Variants in CDH18 observed in about 807,000 individuals in gnomAD.
The protein encoded by CDH18 is cadherin 18, also known as cadherin-18.
Under a neutral mutation model 67.9 loss-of-function variants are expected in CDH18, and 31 were observed. The observed-to-expected ratio is 0.46, with a 90% confidence interval of 0.34 to 0.62. The LOEUF (loss-of-function observed/expected upper bound fraction) is 0.62, where lower values mean the gene tolerates loss of function less well. Ranked by LOEUF, CDH18 falls within the 20% of genes least tolerant of loss-of-function variation. The probability of loss-of-function intolerance (pLI) is 0.01; values close to 1 mark genes in which losing one functional copy is unlikely to be tolerated. For missense variants in CDH18, 890 were observed against 975.5 expected, an observed-to-expected ratio of 0.91 and a Z score of 1.17; for synonymous variants, 362 against 347.2, an observed-to-expected ratio of 1.04 and a Z score of -0.48.
In CDH18 at chr5:20,051,234, T is replaced by G. The variant is rs530632954; in HGVS notation, c.-517-59220A>C. Among the ~76,000 whole-genome samples the G allele has an allele frequency of 1.4e-4, 22 of 152,070 alleles. No homozygotes were observed. The South Asian group carries it at 4.6e-3, about 32-fold the overall frequency. On this transcript the variant is annotated intron_variant, in intron 2 of 14. Transcript: ENST00000507958. ...GGAAAGTTGTGTGATACATTAAAAATTCTAAATCTGAAATATCCACACATT... is the reference window on the plus strand; with the variant it reads ...GGAAAGTTGTGTGATACATTAAAAAGTCTAAATCTGAAATATCCACACATT...
chr5:20,000,358 T>C (rs1280765174), intron 2 of CDH18, among the ~76,000 whole-genome samples: 1 of 151,924 alleles, frequency 6.6e-6, no homozygotes, highest in Non-Finnish European at 1.5e-5. Flanking sequence ...AGTATAAGAA[T>C]AAAAAAGGGA....
At position 19,847,000 on chromosome 5, in the gene CDH18, A is replaced by G. The variant is rs182639115; in HGVS notation, c.-256-7758T>C. ...ATGATTTCTGCTTAGAAATCTGTTC[A>G]TAGTCTTGTGGAAGTTCTCTTTCAT... On this transcript the variant is annotated intron_variant, in intron 2 of 12. Transcript: ENST00000382275. Among the ~76,000 whole-genome samples the G allele has an allele frequency of 2.6e-4, 40 of 151,968 alleles. 1 individual carries two copies. The highest frequency in any genetic ancestry group is 2.4e-3 in the Admixed American group (37 of 15,252).
At chr5:20,267,880 T>C (rs759005668) in intron 1 of CDH18, among the ~76,000 whole-genome samples, 3 of 152,216 alleles carry the variant, frequency 2.0e-5, no homozygotes, top group Admixed American at 1.3e-4. Flanking sequence ...GAAGTTTGAA[T>C]ATGATTGGTT....
At chr5:20,400,043 A>G (rs1223270518) in intron 1 of CDH18, among the ~76,000 whole-genome samples, 1 of 152,204 alleles carries the variant, frequency 6.6e-6, no homozygotes, top group Non-Finnish European at 1.5e-5. Flanking sequence ...CAATGTATTT[A>G]TCATAGAAAA....
chr5:19,770,499 G>T (rs78771738), intron 3 of CDH18, among the ~76,000 whole-genome samples: 2,919 of 152,126 alleles, frequency 0.019, 86 homozygotes, highest in Admixed American at 0.065. Flanking sequence ...TTAATTTAAT[G>T]TGACAATATA....
intron 6 of CDH18, among the ~76,000 whole-genome samples, chr5:19,594,919 T>C (rs1745925967): frequency 6.6e-6 from 1 of 152,084 alleles, no homozygotes; most frequent in Admixed American, 6.6e-5. Context: ...TTCAAAATAG[T>C]ACTGGAAGAC....
At chr5:19,727,456 C>A (rs966777912) in intron 4 of CDH18, among the ~76,000 whole-genome samples, 1 of 152,122 alleles carries the variant, frequency 6.6e-6, no homozygotes, top group African/African-American at 2.4e-5. Flanking sequence ...GTCAGCGAAC[C>A]ACTAGATGCT....
intron 1 of CDH18, among the ~76,000 whole-genome samples, chr5:20,297,405 C>T (rs1173344724): frequency 6.6e-6 from 1 of 152,192 alleles, no homozygotes; most frequent in Non-Finnish European, 1.5e-5. Context: ...AGTCTGACAC[C>T]AAAGCATAAA....
chr5:19,960,586 T>TATATACACACACAC (rs1357426735), intron 2 of CDH18, among the ~76,000 whole-genome samples: 1 of 132,740 alleles, frequency 7.5e-6, no homozygotes, highest in African/African-American at 3.4e-5. Context: ...TGTGTGTGTG[T>TATATACACACACAC]GTGTATATAT....
intron 1 of CDH18, among the ~76,000 whole-genome samples, chr5:20,324,203 A>T (rs1332149818): frequency 1.3e-5 from 2 of 152,202 alleles, no homozygotes; most frequent in Non-Finnish European, 2.9e-5. Flanking sequence ...TATTTTTAGA[A>T]TACAGACTCT....
chr5:20,136,901 A>T (rs1220190926), intron 2 of CDH18, among the ~76,000 whole-genome samples: 1 of 152,206 alleles, frequency 6.6e-6, no homozygotes, highest in Non-Finnish European at 1.5e-5. Flanking sequence ...TTCTTTAAGA[A>T]TGTTGAATAT....
chr5:19,710,381 A>G (rs1431150685), intron 5 of CDH18, among the ~76,000 whole-genome samples: 1 of 152,174 alleles, frequency 6.6e-6, no homozygotes, highest in Non-Finnish European at 1.5e-5. Flanking sequence ...CCATTATGGA[A>G]GATACAAAAA....
chr5:20,460,369 T>C (rs961440088), intron 1 of CDH18, among the ~76,000 whole-genome samples: 2 of 151,088 alleles, frequency 1.3e-5, no homozygotes, highest in African/African-American at 4.9e-5. Flanking sequence ...TCCCGCCTGG[T>C]TGACAGAGCG....
chr5:20,083,529 A>T (rs940475981), intron 2 of CDH18, among the ~76,000 whole-genome samples: 167 of 152,274 alleles, frequency 1.1e-3, no homozygotes, highest in African/African-American at 3.7e-3. Flanking sequence ...GTGTATTCCA[A>T]CTGCTCCACA....
rs1393028473 is a variant in CDH18 at position 19,632,641 on chromosome 5, C to T, written c.644-20040G>A. On this transcript the variant is annotated intron_variant, in intron 5 of 12. Transcript: ENST00000382275. ...GTCACCCATTTATCTCTAAGGTATGCGCATAATTATGAATACCTTCCATGT... is the reference window on the plus strand; with the variant it reads ...GTCACCCATTTATCTCTAAGGTATGTGCATAATTATGAATACCTTCCATGT... Among the ~76,000 whole-genome samples the T allele has an allele frequency of 9.2e-5, 14 of 152,198 alleles. 1 individual carries two copies. Among genetic ancestry groups the T allele is most frequent in the Middle Eastern group, 3.4e-3 (1 of 294 alleles).
At chr5:19,801,373 C>A (rs1007318468) in intron 3 of CDH18, among the ~76,000 whole-genome samples, 3 of 152,148 alleles carry the variant, frequency 2.0e-5, no homozygotes, top group African/African-American at 7.2e-5. Context: ...AGGTCTGTGT[C>A]ACTTTATTCA....
chr5:19,893,618 C>A (rs1788996617), intron 2 of CDH18, among the ~76,000 whole-genome samples: 2 of 147,900 alleles, frequency 1.4e-5, no homozygotes, highest in Admixed American at 6.9e-5. Flanking sequence ...TATTTAGCCT[C>A]ACATTACAAC....
At chr5:20,539,042 C>G (rs1485333012) in intron 1 of CDH18, among the ~76,000 whole-genome samples, 1 of 151,718 alleles carries the variant, frequency 6.6e-6, no homozygotes, top group Admixed American at 6.6e-5. Flanking sequence ...GCACCTGCCA[C>G]CACGTTCTGC....
chr5:19,657,009 T>C (rs1756494709), intron 5 of CDH18, among the ~76,000 whole-genome samples: 2 of 152,174 alleles, frequency 1.3e-5, no homozygotes, highest in South Asian at 4.2e-4. Context: ...CAATTAACTA[T>C]ATTGTGAGGT....
Sources: allele counts gnomAD v4.1 joint callset (sites outside exome capture counted in the v4.1 genomes callset), GRCh38; gene constraint gnomAD v4.1.1; transcripts MANE v1.5; gene names NCBI Gene and HGNC (gene_info 2026-07-23, HGNC 2026-07-21).